The following RASAL2 variants were observed in gnomAD, a reference collection of about 807,000 sequenced individuals.
The protein encoded by RASAL2 is ras GTPase-activating protein nGAP.
Under a neutral mutation model 128.9 loss-of-function variants are expected in RASAL2, and 58 were observed. The observed-to-expected ratio is 0.45, with a 90% CI of 0.36 to 0.56. The LOEUF (loss-of-function observed/expected upper bound fraction) is 0.56. Among genes scored for constraint, RASAL2 ranks in the 20% least tolerant of loss-of-function variants. The probability of loss-of-function intolerance (pLI) is 0.00; values close to 1 mark genes in which losing one functional copy is unlikely to be tolerated. For synonymous variants in RASAL2, 561 were observed against 580.8 expected (o/e 0.97, Z 0.49); for missense variants, 1,360 against 1,601.6 (o/e 0.85, Z 2.57).
At position 178,188,818 on chromosome 1, in the gene RASAL2, T is replaced by A. The variant is rs541700560; in HGVS notation, c.202+94124T>A. On this transcript the variant is annotated intron_variant, in intron 1 of 17. Transcript: ENST00000367649. The stretch of plus-strand genomic sequence containing the variant: ...ATATCTGTATACTAGCTTAAATTGT[T>A]TTGCTTGAGGGTGATGAACCACAGG... Among the ~76,000 whole-genome samples the A allele has an allele frequency of 2.0e-5, 3 of 152,268 alleles. No individual in the cohort carries two copies. In the East Asian group the frequency reaches 5.8e-4, roughly 29 times the overall value.
chr1:178,447,278 C>T (rs1677069493), intron 9 of RASAL2, among the ~76,000 whole-genome samples: 1 of 151,660 alleles, frequency 6.6e-6, no homozygotes, highest in Admixed American at 6.6e-5. Context: ...GCTATGGTCA[C>T]ATCACTGCAC....
chr1:178,166,503 G>A (rs1466072860), intron 1 of RASAL2, among the ~76,000 whole-genome samples: 1 of 152,150 alleles, frequency 6.6e-6, no homozygotes, highest in South Asian at 2.1e-4. Flanking sequence ...ACTTATGTGA[G>A]TAAATGAAGC....
At chr1:178,299,867 T>G (rs1284174997) in intron 2 of RASAL2, 125 bp from the exon 3 acceptor site, 1 of 952,820 alleles carries the variant, frequency 1.0e-6, no homozygotes, top group Non-Finnish European at 1.5e-6. Flanking sequence ...ACTTTATTTC[T>G]ATATTTCTCC....
At chr1:178,449,436 C>T (rs1001739647) in intron 9 of RASAL2, among the ~76,000 whole-genome samples, 9 of 152,088 alleles carry the variant, frequency 5.9e-5, no homozygotes, top group African/African-American at 1.9e-4. Context: ...TTGACTTATT[C>T]CTACATGTGA....
At chr1:178,412,610 T>G (rs1674466167) in intron 4 of RASAL2, among the ~76,000 whole-genome samples, 1 of 152,230 alleles carries the variant, frequency 6.6e-6, no homozygotes, top group Non-Finnish European at 1.5e-5. Flanking sequence ...AGCCATGATT[T>G]CATGTATGTA....
At chr1:178,212,257 T>A (rs942770893) in intron 1 of RASAL2, among the ~76,000 whole-genome samples, 1 of 152,160 alleles carries the variant, frequency 6.6e-6, no homozygotes, top group African/African-American at 2.4e-5. Flanking sequence ...ATTCAACATA[T>A]ATATTTAAGG....
intron 17 of RASAL2, among the ~76,000 whole-genome samples, chr1:178,469,253 C>T (rs1316409511): frequency 6.6e-6 from 1 of 151,996 alleles, no homozygotes; most frequent in Admixed American, 6.6e-5. Context: ...GCCATATTTG[C>T]GCCAGTGCAC....
chr1:178,307,094 G>A (rs1448295714), intron 3 of RASAL2, among the ~76,000 whole-genome samples: 2 of 151,662 alleles, frequency 1.3e-5, no homozygotes, highest in South Asian at 4.2e-4. Flanking sequence ...AGCATGTGCA[G>A]TCTAATCATT....
intron 4 of RASAL2, among the ~76,000 whole-genome samples, chr1:178,419,254 G>T (rs1674975784): frequency 6.6e-6 from 1 of 151,904 alleles, no homozygotes; most frequent in Non-Finnish European, 1.5e-5. Flanking sequence ...TAGAATCTTT[G>T]CTTGAAAAAT....
At chr1:178,422,295 A>G (rs1675204718) in intron 5 of RASAL2, among the ~76,000 whole-genome samples, 2 of 152,062 alleles carry the variant, frequency 1.3e-5, no homozygotes, top group African/African-American at 4.8e-5. Context: ...TTTCTATTAT[A>G]TAGTTACTGT....
chr1:178,417,597 A>T (rs892775564), intron 4 of RASAL2, among the ~76,000 whole-genome samples: 1 of 151,898 alleles, frequency 6.6e-6, no homozygotes, highest in African/African-American at 2.4e-5. Flanking sequence ...CACCATCTCT[A>T]CCAAAAATAC....
At chr1:178,337,625 T>C (rs1488438294) in intron 3 of RASAL2, among the ~76,000 whole-genome samples, 1 of 152,114 alleles carries the variant, frequency 6.6e-6, no homozygotes, top group Non-Finnish European at 1.5e-5. Context: ...TAACCTCAGT[T>C]GGTTTGCTTT....
In RASAL2 at chr1:178,250,033, C is replaced by T. The variant is rs189005092; in HGVS notation, c.203-33531C>T. On this transcript the variant is annotated intron_variant, in intron 1 of 17. Transcript: ENST00000367649. ...GGTCTCTCCCACTCAGGAGGCTTGG[C>T]GGTCAGGGACCCACTTGAAGAGGCA... 2.5e-3 allele frequency among the ~76,000 whole-genome samples: 388 copies of T among 152,286 alleles called. 1 individual carries two copies. The highest frequency in any genetic ancestry group is 8.7e-3 in the African/African-American group (361 of 41,576).
intron 3 of RASAL2, among the ~76,000 whole-genome samples, chr1:178,371,657 T>A (rs1671726777): frequency 6.6e-6 from 1 of 152,128 alleles, no homozygotes; most frequent in Admixed American, 6.5e-5. Flanking sequence ...TAAAGGGGGC[T>A]GTTGAAATAG....
intron 1 of RASAL2, among the ~76,000 whole-genome samples, chr1:178,208,638 C>A (rs944541296): frequency 2.0e-5 from 3 of 152,034 alleles, no homozygotes; most frequent in African/African-American, 7.2e-5. Flanking sequence ...TTTGTTGGAC[C>A]CTTATCAGTA....
At position 178,210,142 on chromosome 1, in the gene RASAL2, C is replaced by A. The variant is rs546641006; in HGVS notation, c.203-73422C>A. 1.5e-3 allele frequency among the ~76,000 whole-genome samples: 235 copies of A among 151,986 alleles called. 1 individual carries two copies. Among genetic ancestry groups the A allele is most frequent in the African/African-American group, 5.4e-3 (225 of 41,482 alleles). On this transcript the variant is annotated intron_variant, in intron 1 of 17. Coordinates refer to ENST00000367649, the MANE Select transcript of RASAL2 (RefSeq NM_170692.4). ...CTTCATTCTAGATAGTTTCCTCTGA[C>A]CTTATTCTCTCTTTAGCAGTATCTA...
intron 1 of RASAL2, among the ~76,000 whole-genome samples, chr1:178,260,844 A>G (rs1207583531): frequency 6.6e-6 from 1 of 152,178 alleles, no homozygotes; most frequent in Admixed American, 6.5e-5. Context: ...TGCACCCATC[A>G]GTTGTAAGCT....
chr1:178,425,933 A>C (rs868179005), intron 5 of RASAL2, among the ~76,000 whole-genome samples: 5 of 152,176 alleles, frequency 3.3e-5, no homozygotes, highest in Admixed American at 6.5e-5. Flanking sequence ...TTGGTAAAAC[A>C]GCTAGCAGTC....
At chr1:178,204,376 C>T (rs1031980476) in intron 1 of RASAL2, among the ~76,000 whole-genome samples, 1 of 152,078 alleles carries the variant, frequency 6.6e-6, no homozygotes, top group African/African-American at 2.4e-5. Flanking sequence ...TTAATACACA[C>T]CAGGAGGTTC....
Sources: gnomAD v4.1 joint callset for allele counts (sites outside exome capture counted in the v4.1 genomes callset) on GRCh38, gnomAD v4.1.1 for gene constraint, MANE v1.5 for transcripts, NCBI Gene and HGNC (gene_info 2026-07-23, HGNC 2026-07-21) for gene names.